NDUFB1: variants seen among roughly 807,000 people sequenced by gnomAD.
NDUFB1 encodes the protein NADH:ubiquinone oxidoreductase subunit B1.
NDUFB1 carries 6 observed loss-of-function variants against 6.7 expected under a neutral mutation model. That is an observed-to-expected ratio of 0.89 (90% confidence interval 0.49 to 1.76). NDUFB1 has a LOEUF of 1.76. NDUFB1 is among the 40% of genes most tolerant of loss of function. The probability of loss-of-function intolerance (pLI) is 0.01; values close to 1 mark genes in which losing one functional copy is unlikely to be tolerated. For missense variants in NDUFB1, 56 were observed against 71.0 expected (o/e 0.79, Z 0.76); for synonymous variants, 17 against 22.9 (o/e 0.74, Z 0.74).
At chr14:92,117,667 A>C (rs1422349200) in intron 1 of NDUFB1, 25 bp from the exon 2 acceptor site, 2 of 1,594,870 alleles carry the variant, frequency 1.3e-6, no homozygotes, top group Non-Finnish European at 1.7e-6. Flanking sequence ...AATTATCAGA[A>C]ATACAACTGC....
intron 1 of NDUFB1, 200 bp downstream of exon 1, chr14:92,121,442 C>G: frequency 1.2e-6 from 1 of 801,282 alleles, no homozygotes. Flanking sequence ...AAAACCCTTT[C>G]CAAAAGCTCC....
At position 92,118,115 on chromosome 14, in the gene NDUFB1, A is replaced by T. The variant is rs895931587; in HGVS notation, c.-5-473T>A. ...CATCAGAATGTAGTATAATACTTTA[A>T]AATCTAATTGATGAAGATTACATAC... On this transcript the variant is annotated intron_variant, in intron 1 of 2. Coordinates refer to ENST00000605997, the MANE Select transcript of NDUFB1 (RefSeq NM_004545.4). 3 of 172,444 alleles carry T rather than the reference A, an allele frequency of 1.7e-5. No individual in the cohort carries two copies. In the East Asian group the frequency reaches 4.8e-4, roughly 28 times the overall value. The allele number at this position is 172,444 out of a possible 1,614,324, so 10.7% of individuals were successfully genotyped here.
chr14:92,121,522 C>G, intron 1 of NDUFB1, 120 bp downstream of exon 1: 1 of 1,431,344 alleles, frequency 7.0e-7, no homozygotes, highest in South Asian at 1.2e-5. Context: ...GTTCGGAAGC[C>G]CCGGGGAAGC....
At chr14:92,119,926 T>G (rs1039698930) in intron 1 of NDUFB1, among the ~76,000 whole-genome samples, 19 of 152,270 alleles carry the variant, frequency 1.2e-4, no homozygotes, top group African/African-American at 4.6e-4. Context: ...AAAAAATTCT[T>G]TAAACATTTT....
At chr14:92,121,619 C>T (rs2068765383) in intron 1 of NDUFB1, 23 bp downstream of exon 1, 10 of 1,611,132 alleles carry the variant, frequency 6.2e-6, no homozygotes, top group Non-Finnish European at 7.6e-6. Flanking sequence ...GTCGCGGCGG[C>T]CCCCCGGGCT....
intron 2 of NDUFB1, 113 bp from the exon 3 acceptor site, chr14:92,116,342 T>C (rs2068717451): frequency 9.8e-7 from 1 of 1,018,224 alleles, no homozygotes; most frequent in Non-Finnish European, 1.4e-6. Context: ...TTTTTTTTTT[T>C]TTTTTTTTTG....
chr14:92,119,243 C>T (rs7152429), intron 1 of NDUFB1, among the ~76,000 whole-genome samples: 62,047 of 150,342 alleles, frequency 0.41, 13,704 homozygotes, highest in East Asian at 0.84. Flanking sequence ...GCCCAAGAGA[C>T]GGAGGTTGCA....
In NDUFB1 at chr14:92,116,157, C is replaced by T. The variant is rs771544804; in HGVS notation, c.*36G>A. On this transcript the variant is annotated 3_prime_UTR_variant, in exon 3 of 3. Transcript: ENST00000605997. ...CTTCATGTTTTTATTTCTCTCAGAA[C>T]TTTAAAATGTGAACATTCGATAATC... The T allele has an allele frequency of 6.3e-7, 1 of 1,585,310 alleles. No individual in the cohort carries two copies. Among genetic ancestry groups the T allele is most frequent in the African/African-American group, 1.3e-5 (1 of 74,136 alleles).
At chr14:92,119,807 G>A (rs1016655084) in intron 1 of NDUFB1, among the ~76,000 whole-genome samples, 1 of 151,746 alleles carries the variant, frequency 6.6e-6, no homozygotes, top group African/African-American at 2.4e-5. Flanking sequence ...TGTCACCTAG[G>A]ATGGAGTGCA....
rs751088175 is a variant in NDUFB1, at chr14:92,121,618, G to GC, written c.-6+23dup. The GC allele has an allele frequency of 9.3e-6, 15 of 1,611,548 alleles. No homozygotes were observed. The South Asian group carries it at 9.9e-5, about 11-fold the overall frequency. ...CGTCGCCGTGATCCTCGTCGCGGCG[G>GC]CCCCCCGGGCTCCCCAAACCCACCT... On this transcript the variant is annotated intron_variant, in intron 1 of 2. Transcript: ENST00000605997.
chr14:92,117,699 C>A, intron 1 of NDUFB1, 57 bp from the exon 2 acceptor site: 3 of 1,554,846 alleles, frequency 1.9e-6, no homozygotes, highest in South Asian at 2.3e-5. Context: ...TTTGAAATAG[C>A]TTTTAAATTG....
At chr14:92,116,328 T>TTTA in intron 2 of NDUFB1, 99 bp from the exon 3 acceptor site, 137 of 887,348 alleles carry the variant, frequency 1.5e-4, no homozygotes, top group Non-Finnish European at 1.9e-4. Flanking sequence ...AATATTTCAT[T>TTTA]TTCTTTTTTT....
rs553666591 is a variant in NDUFB1, at chr14:92,119,370, C to T, written c.-5-1728G>A. Among the ~76,000 whole-genome samples, 125 of 151,484 alleles carry T rather than the reference C, an allele frequency of 8.3e-4. No individual in the cohort carries two copies. In the Middle Eastern group the frequency reaches 0.014, roughly 17 times the overall value. ...ACCAGAGCCATCATCTATTTCTATA[C>T]GTAATGTGAAATAACTATTATTTAC... On this transcript the variant is annotated intron_variant, in intron 1 of 2. Coordinates refer to ENST00000605997, the MANE Select transcript of NDUFB1 (RefSeq NM_004545.4).
rs554909976 is a variant in NDUFB1 at position 92,116,827 on chromosome 14, G to A, written c.141-598C>T. Among the ~76,000 whole-genome samples, 6 of 152,252 alleles carry A rather than the reference G, an allele frequency of 3.9e-5. No individual in the cohort carries two copies. In the South Asian group the frequency reaches 6.2e-4, roughly 16 times the overall value. On this transcript the variant is annotated intron_variant, in intron 2 of 2. Coordinates refer to ENST00000605997, the MANE Select transcript of NDUFB1 (RefSeq NM_004545.4). ...TCTGCTCAGTGAGTTCATTCGAAATGTTTTCTAAACCCTTTCCAGCTTATT... is the reference window on the plus strand; with the variant it reads ...TCTGCTCAGTGAGTTCATTCGAAATATTTTCTAAACCCTTTCCAGCTTATT...
intron 1 of NDUFB1, chr14:92,120,349 CTT>C (rs768894951): frequency 4.9e-5 from 7 of 143,152 alleles, no homozygotes; most frequent in African/African-American, 5.2e-5. Context: ...TTTTTCTTTC[CTT>C]TTTTTTTTTT....
intron 1 of NDUFB1, chr14:92,118,169 A>G (rs12586785): frequency 0.51 from 81,898 of 161,316 alleles, 22,434 homozygotes; most frequent in East Asian, 0.97. Flanking sequence ...AAATTACACC[A>G]CACTGGGTCT....
At chr14:92,116,331 CTTTTT>C (rs35571568) in intron 2 of NDUFB1, 102 bp from the exon 3 acceptor site, 422 of 498,310 alleles carry the variant, frequency 8.5e-4, no homozygotes, top group Middle Eastern at 3.2e-3. Flanking sequence ...ATTTCATTTT[CTTTTT>C]TTTTTTTTTT....
intron 1 of NDUFB1, among the ~76,000 whole-genome samples, chr14:92,119,818 G>A (rs962713588): frequency 1.3e-5 from 2 of 151,690 alleles, no homozygotes; most frequent in Non-Finnish European, 2.9e-5. Flanking sequence ...ATGGAGTGCA[G>A]TGGAGTTATA....
In NDUFB1 at chr14:92,118,735, G is replaced by A. The variant is rs181026075; in HGVS notation, c.-5-1093C>T. On this transcript the variant is annotated intron_variant, in intron 1 of 2. Coordinates refer to ENST00000605997, the MANE Select transcript of NDUFB1 (RefSeq NM_004545.4). The stretch of plus-strand genomic sequence containing the variant: ...CGCCTGTAATCCCAGCACTTTGGGA[G>A]GCTGAGGCGGGTGGACGACAACAAG... 5.3e-3 allele frequency: 838 copies of A among 159,242 alleles called. 13 individuals are homozygous for A. Among genetic ancestry groups the A allele is most frequent in the African/African-American group, 0.018 (766 of 41,658 alleles). The allele number at this position is 159,242 out of a possible 1,614,324, so 9.9% of individuals were successfully genotyped here.
Sources: gnomAD v4.1 joint callset for allele counts (sites outside exome capture counted in the v4.1 genomes callset) on GRCh38, gnomAD v4.1.1 for gene constraint, MANE v1.5 for transcripts, NCBI Gene and HGNC (gene_info 2026-07-23, HGNC 2026-07-21) for gene names.